BRINP3: variants seen among roughly 807,000 people sequenced by gnomAD.
The protein encoded by BRINP3 is BMP/retinoic acid inducible neural specific 3, also known as BMP/retinoic acid-inducible neural-specific protein 3.
A neutral mutation model predicts 71.0 loss-of-function variants in BRINP3; 19 were observed. The ratio of observed to expected loss-of-function variants is 0.27; its 90% CI spans 0.19 to 0.39. The LOEUF (loss-of-function observed/expected upper bound fraction) is 0.39. Among genes scored for constraint, BRINP3 ranks in the 10% least tolerant of loss-of-function variants. The pLI, the probability that BRINP3 is intolerant of heterozygous loss-of-function variation, is 1.00. For missense variants in BRINP3, 959 were observed against 940.8 expected (o/e 1.02, Z -0.25); for synonymous variants, 380 against 337.7 (o/e 1.13, Z -1.37).
intron 2 of BRINP3, among the ~76,000 whole-genome samples, chr1:190,382,171 T>C (rs1383659794): frequency 1.5e-5 from 2 of 132,228 alleles, no homozygotes; most frequent in South Asian, 2.5e-4. Context: ...TGACATGAAA[T>C]ACAAAATCAG....
chr1:190,437,489 A>T (rs942588641), intron 2 of BRINP3, among the ~76,000 whole-genome samples: 6 of 151,808 alleles, frequency 4.0e-5, no homozygotes, highest in Non-Finnish European at 8.9e-5. Flanking sequence ...ATGAAGTCTT[A>T]CATTGCCCAC....
At chr1:190,342,116 C>T (rs1319068158) in intron 2 of BRINP3, among the ~76,000 whole-genome samples, 2 of 151,222 alleles carry the variant, frequency 1.3e-5, no homozygotes, top group East Asian at 3.9e-4. Context: ...TTTTCTCAGT[C>T]TTGCATTTAT....
At chr1:190,185,662 T>G (rs1465266142) in intron 6 of BRINP3, among the ~76,000 whole-genome samples, 1 of 152,106 alleles carries the variant, frequency 6.6e-6, no homozygotes, top group Non-Finnish European at 1.5e-5. Context: ...TGCATGTATT[T>G]CTATCTTGAA....
chr1:190,425,505 A>G (rs570810158), intron 2 of BRINP3, among the ~76,000 whole-genome samples: 1 of 151,900 alleles, frequency 6.6e-6, no homozygotes, highest in Non-Finnish European at 1.5e-5. Context: ...GAACTAAGAA[A>G]GTGCCAATTC....
At chr1:190,465,966 C>T (rs772318064) in intron 1 of BRINP3, among the ~76,000 whole-genome samples, 1 of 151,820 alleles carries the variant, frequency 6.6e-6, no homozygotes, top group Non-Finnish European at 1.5e-5. Context: ...TGACTGGCAA[C>T]ATGATTTTGC....
At chr1:190,112,954 C>A (rs919332626) in intron 7 of BRINP3, among the ~76,000 whole-genome samples, 8 of 152,054 alleles carry the variant, frequency 5.3e-5, no homozygotes, top group Admixed American at 2.0e-4. Flanking sequence ...TTCATGAAAG[C>A]ATTACTGAAT....
At chr1:190,443,706 A>G (rs148259077) in intron 2 of BRINP3, among the ~76,000 whole-genome samples, 54 of 152,264 alleles carry the variant, frequency 3.5e-4, no homozygotes, top group African/African-American at 1.3e-3. Flanking sequence ...TATCCTTGCC[A>G]AGATAAACTG....
chr1:190,319,392 G>GT (rs1280849493), intron 2 of BRINP3, among the ~76,000 whole-genome samples: 2 of 152,010 alleles, frequency 1.3e-5, no homozygotes, highest in African/African-American at 4.8e-5. Flanking sequence ...TTGTTGTTGT[G>GT]TTTTTGTTTT....
chr1:190,118,605 T>C (rs1653348105), intron 7 of BRINP3, among the ~76,000 whole-genome samples: 1 of 152,178 alleles, frequency 6.6e-6, no homozygotes, highest in African/African-American at 2.4e-5. Flanking sequence ...TGGAGCAAAG[T>C]AACTTTAACA....
chr1:190,442,598 T>C (rs1266389988), intron 2 of BRINP3, among the ~76,000 whole-genome samples: 2 of 152,164 alleles, frequency 1.3e-5, no homozygotes, highest in Non-Finnish European at 2.9e-5. Context: ...ATACGTAACA[T>C]ACTTTCGAGA....
At chr1:190,225,130 T>A (rs1034842001) in intron 6 of BRINP3, among the ~76,000 whole-genome samples, 5 of 151,906 alleles carry the variant, frequency 3.3e-5, no homozygotes, top group Non-Finnish European at 7.4e-5. Flanking sequence ...TGAATATATA[T>A]ACAAAATAAA....
intron 2 of BRINP3, among the ~76,000 whole-genome samples, chr1:190,365,014 A>C (rs1669391032): frequency 6.6e-6 from 1 of 152,144 alleles, no homozygotes; most frequent in Non-Finnish European, 1.5e-5. Flanking sequence ...TGACCTCCCT[A>C]AAATCAAAGA....
At position 190,188,239 on chromosome 1, in the gene BRINP3, T is replaced by C. The variant is rs574700364; in HGVS notation, c.962-27349A>G. ...TTTTGTATCCTGCAACTTAATCTTTTGTTTATTATTCCTAACATTTATTTG... is the reference window on the plus strand; with the variant it reads ...TTTTGTATCCTGCAACTTAATCTTTCGTTTATTATTCCTAACATTTATTTG... On this transcript the variant is annotated intron_variant, in intron 6 of 7. Transcript: ENST00000367462. 2.0e-5 allele frequency among the ~76,000 whole-genome samples: 3 copies of C among 152,300 alleles called. 1 individual carries two copies. In the South Asian group the frequency reaches 6.2e-4, roughly 32 times the overall value.
chr1:190,195,983 T>C (rs1654443492), intron 6 of BRINP3, among the ~76,000 whole-genome samples: 1 of 152,154 alleles, frequency 6.6e-6, no homozygotes, highest in East Asian at 1.9e-4. Flanking sequence ...ACATGTAAGA[T>C]AACTGTTGGC....
chr1:190,181,803 T>C (rs980699248), intron 6 of BRINP3, among the ~76,000 whole-genome samples: 1 of 152,014 alleles, frequency 6.6e-6, no homozygotes, highest in Non-Finnish European at 1.5e-5. Context: ...AAGATGAAAA[T>C]GAAAGTTGAT....
intron 2 of BRINP3, among the ~76,000 whole-genome samples, chr1:190,312,461 TG>T (rs1665601890): frequency 6.6e-6 from 1 of 151,662 alleles, no homozygotes; most frequent in South Asian, 2.1e-4. Context: ...TATTCTACCC[TG>T]ACATATTGAA....
chr1:190,466,623 G>A (rs1239707262), intron 1 of BRINP3, among the ~76,000 whole-genome samples: 1 of 151,730 alleles, frequency 6.6e-6, no homozygotes, highest in Middle Eastern at 3.4e-3. Context: ...CGAGGAATGT[G>A]TGTTACAAAT....
intron 6 of BRINP3, among the ~76,000 whole-genome samples, chr1:190,199,743 G>A: frequency 7.2e-6 from 1 of 139,358 alleles, no homozygotes. Flanking sequence ...CCTAACAATT[G>A]CAATCTGCTA....
intron 2 of BRINP3, among the ~76,000 whole-genome samples, chr1:190,306,631 T>C (rs867358639): frequency 3.8e-4 from 58 of 151,950 alleles, no homozygotes; most frequent in African/African-American, 1.4e-3. Context: ...TTGAAACATA[T>C]CAACATTCTC....
Sources: gnomAD v4.1 joint callset for allele counts (sites outside exome capture counted in the v4.1 genomes callset) on GRCh38, gnomAD v4.1.1 for gene constraint, MANE v1.5 for transcripts, NCBI Gene and HGNC (gene_info 2026-07-23, HGNC 2026-07-21) for gene names.